RGS9: variants seen among roughly 807,000 people sequenced by gnomAD.
The protein encoded by RGS9 is regulator of G protein signaling 9, also known as regulator of G-protein signalling 9.
In RGS9, 78 loss-of-function variants were observed where a neutral mutation model predicts 102.0. That is an observed-to-expected ratio of 0.76 (90% CI 0.64 to 0.92). The LOEUF (loss-of-function observed/expected upper bound fraction) is 0.92, where lower values mean the gene tolerates loss of function less well. Among genes scored for constraint, RGS9 ranks in the 40% least tolerant of loss-of-function variants. RGS9 has a pLI of 0.00. For missense variants in RGS9, 833 were observed against 866.1 expected (o/e 0.96, Z 0.48); for synonymous variants, 353 against 318.6 (o/e 1.11, Z -1.15).
At position 65,227,378 on chromosome 17, in the gene RGS9, G is replaced by A. The variant is rs750074784; in HGVS notation, c.1996G>A (p.Glu666Lys). ...GESGDRATEKEVICPWESL is the reference protein window; with the variant it reads ...GESGDRATEKKVICPWESL ...GTCGGGTGACCGGGCCACAGAAAAGGAGGTCATCTGCCCCTGGGAGAGCCT... is the reference window on the plus strand; with the variant it reads ...GTCGGGTGACCGGGCCACAGAAAAGAAGGTCATCTGCCCCTGGGAGAGCCT... Residue 666 changes from glutamate (E) to lysine (K), a missense_variant, in exon 19 of 19, where the codon GAG (glutamate) becomes AAG (lysine). Around this residue, in one of 3 missense-constraint regions of RGS9, gnomAD observed 320 missense variants for 276.8 expected, o/e 1.16. Transcript: ENST00000262406. The A allele has an allele frequency of 3.7e-6, 6 of 1,614,076 alleles. No homozygotes were observed. The African/African-American group carries it at 8.0e-5, about 22-fold the overall frequency.
At chr17:65,211,738 AT>A (rs1913310078) in intron 17 of RGS9, among the ~76,000 whole-genome samples, 1 of 152,248 alleles carries the variant, frequency 6.6e-6, no homozygotes, top group African/African-American at 2.4e-5. Context: ...ATACTCACTC[AT>A]TCAGCACGTC....
chr17:65,194,706 G>A (rs1912516440), intron 12 of RGS9, among the ~76,000 whole-genome samples: 1 of 152,164 alleles, frequency 6.6e-6, no homozygotes, highest in Admixed American at 6.5e-5. Context: ...AGAGAAGGGT[G>A]TAATGGTCAA....
At position 65,157,994 on chromosome 17, in the gene RGS9, G is replaced by C. The variant is rs188213605; in HGVS notation, c.155-301G>C. Among the ~76,000 whole-genome samples the C allele has an allele frequency of 7.9e-5, 12 of 152,188 alleles. No individual in the cohort carries two copies. The East Asian group carries it at 2.1e-3, about 27-fold the overall frequency. On this transcript the variant is annotated intron_variant, in intron 2 of 18. Transcript: ENST00000262406. ...AATAACAGACCATGTACAAGTTATC[G>C]TCAGGTAAAAGATCAATACAACAAG...
At chr17:65,159,374 G>C (rs1039753175) in intron 3 of RGS9, among the ~76,000 whole-genome samples, 1 of 152,204 alleles carries the variant, frequency 6.6e-6, no homozygotes, top group Admixed American at 6.5e-5. Flanking sequence ...AAATGGATTG[G>C]AGCAGAAAGA....
chr17:65,217,803 G>A (rs905877816), intron 17 of RGS9, among the ~76,000 whole-genome samples: 12 of 152,146 alleles, frequency 7.9e-5, no homozygotes. Flanking sequence ...GCCAAGATTG[G>A]TTTTGGAGAG....
rs760312819 is a variant in RGS9, at chr17:65,160,868, C to A, written c.382C>A (p.Arg128=). The change falls in exon 6 of 19, where the codon CGA becomes AGA. Residue 128 remains arginine (R), a synonymous_variant. Coordinates refer to ENST00000262406, the MANE Select transcript of RGS9 (RefSeq NM_003835.4). The part of the protein sequence containing the change: ...DTDYAIYLAK[R]NIKKKGILEE... ...TTTTCCAGCCATCTATCTGGCCAAG[C>A]GAAATATCAAAAAGAAAGGGATTTT... 4 of 1,613,764 alleles carry A rather than the reference C, an allele frequency of 2.5e-6. No individual in the cohort carries two copies.
chr17:65,227,331 C>G lies in RGS9; in HGVS notation c.1949C>G (p.Ser650Trp), dbSNP rs777153725. The part of the protein sequence containing the change: ...PTGSGTCLMD[S>W]EDAGTGESGD... ...GGGAGCGGGACCTGCTTGATGGACT[C>G]GGAGGATGCTGGAACAGGAGAGTCG... The change falls in exon 19 of 19, where the codon TCG becomes TGG. Residue 650 changes from serine to tryptophan, a missense_variant. Transcript: ENST00000262406. The G allele has an allele frequency of 1.5e-5, 24 of 1,614,002 alleles. No individual in the cohort carries two copies. The highest frequency in any genetic ancestry group is 9.9e-5 in the South Asian group (9 of 91,086).
Position 65,160,843 on chromosome 17 carries a change from T to C in RGS9, c.365-8T>C. On this transcript the variant is annotated splice_region_variant and splice_polypyrimidine_tract_variant and intron_variant, in intron 5 of 18. Coordinates refer to ENST00000262406, the MANE Select transcript of RGS9 (RefSeq NM_003835.4). ...GATGATGGAAAATGTCATTGCTTTC[T>C]TTTCCAGCCATCTATCTGGCCAAGC... 2.5e-6 allele frequency: 4 copies of C among 1,613,614 alleles called. No homozygotes were observed. Among genetic ancestry groups the C allele is most frequent in the Non-Finnish European group, 3.4e-6 (4 of 1,179,492 alleles).
At chr17:65,151,614 T>C (rs1910584493) in intron 1 of RGS9, among the ~76,000 whole-genome samples, 1 of 152,154 alleles carries the variant, frequency 6.6e-6, no homozygotes, top group South Asian at 2.1e-4. Context: ...TCCCAGACAT[T>C]GTGGGAATCT....
intron 11 of RGS9, among the ~76,000 whole-genome samples, chr17:65,191,595 A>G (rs1912369431): frequency 6.6e-6 from 1 of 151,998 alleles, no homozygotes; most frequent in Non-Finnish European, 1.5e-5. Context: ...AAAAATACAA[A>G]AATTAGCCAG....
intron 11 of RGS9, among the ~76,000 whole-genome samples, chr17:65,190,808 C>T (rs1282749906): frequency 6.6e-6 from 1 of 152,150 alleles, no homozygotes; most frequent in Non-Finnish European, 1.5e-5. Flanking sequence ...TTTTAAAATG[C>T]GGAATTTATC....
rs534562583 is a variant in RGS9 at position 65,205,302 on chromosome 17, T to C, written c.1203+1001T>C. On this transcript the variant is annotated intron_variant, in intron 15 of 18. Transcript: ENST00000262406. ...GATTTCTTTAAGGGCAAAGTATCTT[T>C]ATAGGATATAGGTTATGTGATATAG... Among the ~76,000 whole-genome samples, 12 of 151,802 alleles carry C rather than the reference T, an allele frequency of 7.9e-5. No homozygotes were observed. In the South Asian group the frequency reaches 2.5e-3, roughly 31 times the overall value.
intron 17 of RGS9, among the ~76,000 whole-genome samples, chr17:65,211,793 C>T (rs1913313754): frequency 6.6e-6 from 1 of 152,248 alleles, no homozygotes. Flanking sequence ...ATAAAACAGA[C>T]GTGGTTCTCT....
chr17:65,142,899 C>A (rs575458196), intron 1 of RGS9, among the ~76,000 whole-genome samples: 1 of 151,920 alleles, frequency 6.6e-6, no homozygotes, highest in African/African-American at 2.4e-5. Flanking sequence ...CTTTTTGTTT[C>A]TTTCTTTCTT....
chr17:65,224,099 A>G (rs1905499898), intron 17 of RGS9, among the ~76,000 whole-genome samples: 1 of 152,186 alleles, frequency 6.6e-6, no homozygotes, highest in South Asian at 2.1e-4. Flanking sequence ...GCAGGCCTTT[A>G]GGAGGGAATC....
At chr17:65,167,739 C>G (rs535144311) in intron 7 of RGS9, among the ~76,000 whole-genome samples, 29 of 152,250 alleles carry the variant, frequency 1.9e-4, no homozygotes, top group Middle Eastern at 3.4e-3. Context: ...CGGAAGTTCA[C>G]CCATGCGCGC....
rs938432427 is a variant in RGS9, at chr17:65,225,265, C to T, written c.1671C>T (p.Ser557=). The T allele has an allele frequency of 1.1e-5, 18 of 1,608,874 alleles. No individual in the cohort carries two copies. Among genetic ancestry groups the T allele is most frequent in the South Asian group, 7.7e-5 (7 of 91,074 alleles). ...APRGPSVTES[S]EASLDTSWPR... is the part of the protein sequence containing the mutation. Reference sequence around the variant, plus strand: ...GTGGGCCCTCTGTCACCGAGAGCAGCGAGGCCTCCCTCGACACCTCCTGGC... The same window carrying T: ...GTGGGCCCTCTGTCACCGAGAGCAGTGAGGCCTCCCTCGACACCTCCTGGC... The change falls in exon 18 of 19, where the codon AGC becomes AGT. Residue 557 remains serine, a synonymous_variant. Transcript: ENST00000262406.
intron 8 of RGS9, among the ~76,000 whole-genome samples, chr17:65,170,111 A>G (rs191864710): frequency 1.0e-4 from 15 of 146,748 alleles, no homozygotes; most frequent in Admixed American, 9.6e-4. Context: ...CTGGAGTGCA[A>G]TGGCACGATT....
Position 65,190,228 on chromosome 17 carries a change from C to T in RGS9, c.738C>T (p.Ser246=), listed in dbSNP as rs770961538. 1 of 1,612,642 alleles carries T rather than the reference C, an allele frequency of 6.2e-7. No homozygotes were observed. The highest frequency in any genetic ancestry group is 1.7e-5 in the Admixed American group (1 of 60,022). ...GGTCCACAGTGAAGTCTTCTGTGTC[C>T]CTGGGAGGGTATGTCCCTGATTTGT... The part of the protein sequence containing the change: ...LMRSTVKSSV[S]LGGIVKYSEQ... The change falls in exon 11 of 19, where the codon TCC becomes TCT. Residue 246 remains serine, a synonymous_variant. Transcript: ENST00000262406.
Sources: gnomAD v4.1 joint callset for allele counts (sites outside exome capture counted in the v4.1 genomes callset) on GRCh38, gnomAD v4.1.1 for gene constraint, gnomAD v4.1.1 regional missense constraint, MANE v1.5 for transcripts, NCBI Gene and HGNC (gene_info 2026-07-23, HGNC 2026-07-21) for gene names.